The following PXYLP1 variants were observed in gnomAD, a reference collection of about 807,000 sequenced individuals.
The protein encoded by PXYLP1 is 2-phosphoxylose phosphatase 1, also known as acid phosphatase-like 2.
A neutral mutation model predicts 37.9 loss-of-function variants in PXYLP1; 17 were observed. The observed-to-expected ratio is 0.45, with a 90% CI of 0.31 to 0.67. PXYLP1 has a LOEUF of 0.67. PXYLP1 is among the 30% of genes least tolerant of loss of function. The pLI is 0.07. For synonymous variants in PXYLP1, 221 were observed against 232.2 expected (o/e 0.95, Z 0.44); for missense variants, 511 against 612.0 (o/e 0.84, Z 1.74).
In PXYLP1 at chr3:141,294,384, G is replaced by C. The variant is rs373934505; in HGVS notation, c.*1179G>C. The C allele has an allele frequency of 1.3e-5, 2 of 152,248 alleles. No homozygotes were observed. Among genetic ancestry groups the C allele is most frequent in the African/African-American group, 4.8e-5 (2 of 41,550 alleles). The allele number at this position is 152,248 out of a possible 1,614,324, so 9.4% of individuals were successfully genotyped here. A position where few individuals can be genotyped will look rare whatever the true frequency, so the allele number is the denominator to read the frequency against. On this transcript the variant is annotated 3_prime_UTR_variant, in exon 6 of 6. Coordinates refer to ENST00000286353, the MANE Select transcript of PXYLP1 (RefSeq NM_001037172.3). ...TCATCAGTTTCAAATGGTAAATTCT[G>C]ATTGATTTTTAAATGCGTTTTTGGA...
At chr3:141,260,795 C>A (rs141656499) in intron 2 of PXYLP1, among the ~76,000 whole-genome samples, 312 of 152,344 alleles carry the variant, frequency 2.0e-3, no homozygotes, top group African/African-American at 7.2e-3. Flanking sequence ...TTCCTAGGCT[C>A]AGGCCAGGCC....
chr3:141,266,605 C>T lies in PXYLP1; in HGVS notation c.79+6351C>T, dbSNP rs555925961. Among the ~76,000 whole-genome samples the T allele has an allele frequency of 2.1e-3, 309 of 149,342 alleles. 1 individual carries two copies. The highest frequency in any genetic ancestry group is 7.4e-3 in the African/African-American group (299 of 40,484). ...TCTCAGGTGGGGAGCTGAGGAGGCC[C>T]CACTTAGCCAGCTCTGTGTGTGTGA... On this transcript the variant is annotated intron_variant, in intron 2 of 5. Coordinates refer to ENST00000286353, the MANE Select transcript of PXYLP1 (RefSeq NM_001037172.3).
At chr3:141,239,706 G>A (rs1056489805) in intron 1 of PXYLP1, among the ~76,000 whole-genome samples, 1 of 152,204 alleles carries the variant, frequency 6.6e-6, no homozygotes, top group Admixed American at 6.5e-5. Context: ...CCAAATGCCC[G>A]AAGGGGAGTT....
At chr3:141,256,050 A>G (rs1941255771) in intron 1 of PXYLP1, among the ~76,000 whole-genome samples, 1 of 152,178 alleles carries the variant, frequency 6.6e-6, no homozygotes, top group Non-Finnish European at 1.5e-5. Flanking sequence ...GCCAGTGAGT[A>G]GGGGAGGGGC....
chr3:141,248,072 G>T (rs1941006530), intron 1 of PXYLP1, among the ~76,000 whole-genome samples: 1 of 139,996 alleles, frequency 7.1e-6, no homozygotes, highest in African/African-American at 2.6e-5. Flanking sequence ...ACCCAGGCTG[G>T]AGTGCAGTGG....
intron 4 of PXYLP1, 141 bp downstream of exon 4, chr3:141,279,645 T>A: frequency 9.4e-7 from 1 of 1,066,278 alleles, no homozygotes; most frequent in Non-Finnish European, 1.3e-6. Context: ...AGTGCCATTA[T>A]ACAGTTGAAA....
intron 1 of PXYLP1, among the ~76,000 whole-genome samples, chr3:141,254,541 C>G (rs1941216954): frequency 6.6e-6 from 1 of 152,120 alleles, no homozygotes; most frequent in Non-Finnish European, 1.5e-5. Flanking sequence ...CCAGGAGGCT[C>G]TGGAATCTGC....
chr3:141,279,600 T>A, intron 4 of PXYLP1, 96 bp downstream of exon 4: 1 of 1,485,900 alleles, frequency 6.7e-7, no homozygotes, highest in Non-Finnish European at 9.2e-7. Flanking sequence ...CCATACTGTT[T>A]GCAGGAGCCT....
At chr3:141,268,817 CA>C (rs1396735539) in intron 2 of PXYLP1, among the ~76,000 whole-genome samples, 1 of 152,218 alleles carries the variant, frequency 6.6e-6, no homozygotes, top group Non-Finnish European at 1.5e-5. Flanking sequence ...AGCCGTAGCT[CA>C]GGGGTGGGCT....
chr3:141,286,520 A>G (rs1942077709), intron 4 of PXYLP1, among the ~76,000 whole-genome samples: 1 of 152,188 alleles, frequency 6.6e-6, no homozygotes, highest in South Asian at 2.1e-4. Context: ...AGGAAGGGAT[A>G]GCTCGTGGGA....
intron 1 of PXYLP1, among the ~76,000 whole-genome samples, chr3:141,249,669 C>T (rs1363937064): frequency 3.9e-5 from 6 of 152,058 alleles, no homozygotes; most frequent in Non-Finnish European, 7.4e-5. Flanking sequence ...AGTGGCTTTG[C>T]GGTGAGTAAA....
At chr3:141,278,214 A>C in intron 2 of PXYLP1, 128 bp from the exon 3 acceptor site, 2 of 1,082,172 alleles carry the variant, frequency 1.8e-6, no homozygotes, top group Non-Finnish European at 2.7e-6. Flanking sequence ...CTTCTGCTCC[A>C]CTGAAGTGCA....
rs76892152 is a variant in PXYLP1, at chr3:141,259,945, T to C, written c.-53-178T>C. 6.7e-3 allele frequency among the ~76,000 whole-genome samples: 1,016 copies of C among 152,306 alleles called. 12 individuals carry two copies. The highest frequency in any genetic ancestry group is 0.022 in the African/African-American group (929 of 41,562). ...AGGGAGCATTCTCGCTTGGGCTTAT[T>C]TGGGGGCAAAGACTAATCATAGAGC... On this transcript the variant is annotated intron_variant, in intron 1 of 5. Transcript: ENST00000286353.
In PXYLP1 at chr3:141,248,561, GTA is replaced by G. The variant is rs536273966; in HGVS notation, c.-53-11553_-53-11552del. ...TACACACACGTATATATACACACGTGTATATATATACACACATGTATATATAC... is the reference window on the plus strand; with the variant it reads ...TACACACACGTATATATACACACGTGTATATATACACACATGTATATATAC... On this transcript the variant is annotated intron_variant, in intron 1 of 5. Transcript: ENST00000286353. 1.5e-3 allele frequency among the ~76,000 whole-genome samples: 202 copies of G among 134,102 alleles called. 17 individuals carry two copies. Among genetic ancestry groups the G allele is most frequent in the Non-Finnish European group, 2.5e-3 (157 of 63,498 alleles). 88.0% of individuals were successfully genotyped at this position (134,102 alleles called of 152,430 possible). A position where few individuals can be genotyped will look rare whatever the true frequency, so the allele number is the denominator to read the frequency against.
At chr3:141,285,418 A>G (rs1285677194) in intron 4 of PXYLP1, among the ~76,000 whole-genome samples, 1 of 152,036 alleles carries the variant, frequency 6.6e-6, no homozygotes, top group African/African-American at 2.4e-5. Flanking sequence ...CTGGGATTAC[A>G]GGCATGAGCC....
chr3:141,265,339 CAA>C (rs34592411), intron 2 of PXYLP1, among the ~76,000 whole-genome samples: 81 of 125,758 alleles, frequency 6.4e-4, no homozygotes, highest in Non-Finnish European at 6.0e-4. Flanking sequence ...GTTCCAAAAC[CAA>C]AAAAAAAAAA....
chr3:141,272,824 T>C (rs886109405), intron 2 of PXYLP1: 2 of 239,604 alleles, frequency 8.3e-6, no homozygotes, highest in Admixed American at 1.3e-4. Context: ...GGCAGCTTAT[T>C]AGATTGTGCC....
At chr3:141,288,536 C>A (rs1942127999) in intron 5 of PXYLP1, among the ~76,000 whole-genome samples, 1 of 152,124 alleles carries the variant, frequency 6.6e-6, no homozygotes, top group Non-Finnish European at 1.5e-5. Context: ...GATCCAACAC[C>A]CCCTTTGATT....
chr3:141,259,283 C>T (rs577055555), intron 1 of PXYLP1, among the ~76,000 whole-genome samples: 1 of 152,036 alleles, frequency 6.6e-6, no homozygotes, highest in South Asian at 2.1e-4. Flanking sequence ...GTTTAAGAAC[C>T]TTTTCTAAAG....
Sources: allele counts gnomAD v4.1 joint callset (sites outside exome capture counted in the v4.1 genomes callset), GRCh38; gene constraint gnomAD v4.1.1; transcripts MANE v1.5; gene names NCBI Gene and HGNC (gene_info 2026-07-23, HGNC 2026-07-21).